Variants in PALLD observed in about 807,000 individuals in gnomAD.
PALLD encodes the protein palladin, cytoskeletal associated protein.
In PALLD, 61 loss-of-function variants were observed where a neutral mutation model predicts 123.5. The ratio of observed to expected loss-of-function variants is 0.49; its 90% CI spans 0.40 to 0.61. PALLD has a LOEUF of 0.61. Ranked by LOEUF, PALLD falls within the 20% of genes least tolerant of loss-of-function variation. The probability of loss-of-function intolerance (pLI) is 0.00; values close to 1 mark genes in which losing one functional copy is unlikely to be tolerated. For synonymous variants in PALLD, 465 were observed against 496.4 expected, an observed-to-expected ratio of 0.94 and a Z score of 0.84; for missense variants, 1,273 against 1,377.0, an observed-to-expected ratio of 0.92 and a Z score of 1.20.
chr4:168,899,807 C>T (rs2151274823), intron 14 of PALLD, among the ~76,000 whole-genome samples: 1 of 151,924 alleles, frequency 6.6e-6, no homozygotes, highest in Admixed American at 6.6e-5. Flanking sequence ...ATCTCAGCTA[C>T]TTGGGAGGCT....
At chr4:168,767,057 G>A (rs1733763475) in intron 10 of PALLD, among the ~76,000 whole-genome samples, 1 of 152,124 alleles carries the variant, frequency 6.6e-6, no homozygotes, top group African/African-American at 2.4e-5. Context: ...CTTCCAGACA[G>A]ACTCAACTCT....
At chr4:168,610,671 A>T (rs1773642444) in intron 2 of PALLD, among the ~76,000 whole-genome samples, 1 of 150,426 alleles carries the variant, frequency 6.6e-6, no homozygotes, top group South Asian at 2.1e-4. Flanking sequence ...GCCAACTTCC[A>T]TTCGGGGCCA....
chr4:168,724,823 C>T (rs944974166), intron 10 of PALLD, among the ~76,000 whole-genome samples: 2 of 152,176 alleles, frequency 1.3e-5, no homozygotes, highest in Non-Finnish European at 2.9e-5. Flanking sequence ...GCTCCTCTTG[C>T]CCAAGGCTGT....
intron 10 of PALLD, among the ~76,000 whole-genome samples, chr4:168,715,930 A>G (rs1280082281): frequency 6.6e-6 from 1 of 151,950 alleles, no homozygotes; most frequent in Non-Finnish European, 1.5e-5. Context: ...ACCCTGGGTG[A>G]CAGAGCGACA....
intron 2 of PALLD, among the ~76,000 whole-genome samples, chr4:168,627,592 C>T (rs11132385): frequency 0.31 from 47,794 of 152,024 alleles, 7,914 homozygotes; most frequent in East Asian, 0.45. Context: ...TAGGATAAGA[C>T]AGGCCTATCT....
chr4:168,536,805 C>A (rs1401353003), intron 2 of PALLD, among the ~76,000 whole-genome samples: 1 of 151,280 alleles, frequency 6.6e-6, no homozygotes. Context: ...CAAAGCCTAA[C>A]TACATCAGCA....
chr4:168,866,675 G>A (rs1750335760), intron 10 of PALLD, among the ~76,000 whole-genome samples: 1 of 152,202 alleles, frequency 6.6e-6, no homozygotes, highest in Admixed American at 6.5e-5. Flanking sequence ...ACTGAAGTAA[G>A]AAATTCTGGA....
At chr4:168,608,805 C>T (rs1261655744) in intron 2 of PALLD, among the ~76,000 whole-genome samples, 1 of 148,360 alleles carries the variant, frequency 6.7e-6, no homozygotes, top group Non-Finnish European at 1.5e-5. Flanking sequence ...ATCAGTGAAA[C>T]AGGCATAGGA....
At chr4:168,618,954 A>G (rs896861493) in intron 2 of PALLD, among the ~76,000 whole-genome samples, 3 of 152,188 alleles carry the variant, frequency 2.0e-5, no homozygotes, top group Non-Finnish European at 2.9e-5. Flanking sequence ...GATAATTTCT[A>G]TCACACTCAA....
At chr4:168,521,328 T>A (rs1235050644) in intron 2 of PALLD, among the ~76,000 whole-genome samples, 1 of 152,194 alleles carries the variant, frequency 6.6e-6, no homozygotes, top group Non-Finnish European at 1.5e-5. Flanking sequence ...CTTGGCTCCA[T>A]CACGCATCAG....
intron 10 of PALLD, among the ~76,000 whole-genome samples, chr4:168,724,857 A>T (rs1308065658): frequency 6.6e-6 from 1 of 152,174 alleles, no homozygotes; most frequent in Non-Finnish European, 1.5e-5. Flanking sequence ...ACTCACTGCA[A>T]GGGTTTTTTA....
chr4:168,730,472 A>C (rs1026786541), intron 10 of PALLD, among the ~76,000 whole-genome samples: 6 of 151,958 alleles, frequency 3.9e-5, no homozygotes, highest in African/African-American at 1.5e-4. Context: ...TCTATTTCTT[A>C]AAATTCCTTT....
At chr4:168,736,317 G>T (rs906124576) in intron 10 of PALLD, among the ~76,000 whole-genome samples, 1 of 152,138 alleles carries the variant, frequency 6.6e-6, no homozygotes, top group Non-Finnish European at 1.5e-5. Context: ...GTATGTATTG[G>T]TAGCTTAGGC....
At chr4:168,837,241 C>T (rs1745332010) in intron 10 of PALLD, among the ~76,000 whole-genome samples, 1 of 152,128 alleles carries the variant, frequency 6.6e-6, no homozygotes, top group African/African-American at 2.4e-5. Flanking sequence ...CCTATGGGAC[C>T]AATTTTGGAT....
chr4:168,796,720 A>G (rs1738563508), intron 10 of PALLD, among the ~76,000 whole-genome samples: 1 of 152,218 alleles, frequency 6.6e-6, no homozygotes, highest in African/African-American at 2.4e-5. Flanking sequence ...GTTTAAAAAT[A>G]TTCATATGCA....
intron 21 of PALLD, among the ~76,000 whole-genome samples, chr4:168,925,778 G>A (rs905108267): frequency 1.3e-5 from 2 of 152,150 alleles, no homozygotes; most frequent in Non-Finnish European, 2.9e-5. Flanking sequence ...ATCAAGAAAT[G>A]TGTGGCCTCA....
At chr4:168,580,145 T>A (rs1323338907) in intron 2 of PALLD, among the ~76,000 whole-genome samples, 3 of 152,020 alleles carry the variant, frequency 2.0e-5, no homozygotes, top group East Asian at 3.9e-4. Context: ...TGTGCCTGGC[T>A]TATTTCACTT....
intron 19 of PALLD, 92 bp downstream of exon 19, chr4:168,924,512 T>A: frequency 8.3e-7 from 1 of 1,204,988 alleles, no homozygotes; most frequent in Non-Finnish European, 1.2e-6. Context: ...AATCTATGTG[T>A]AAAAGCCACA....
chr4:168,552,737 A>G (rs1766865659), intron 2 of PALLD, among the ~76,000 whole-genome samples: 1 of 152,026 alleles, frequency 6.6e-6, no homozygotes, highest in Non-Finnish European at 1.5e-5. Context: ...GTGCAGTGGC[A>G]TGATCTCAGC....
Sources: gnomAD v4.1 joint callset for allele counts (sites outside exome capture counted in the v4.1 genomes callset) on GRCh38, gnomAD v4.1.1 for gene constraint, MANE v1.5 for transcripts, NCBI Gene and HGNC (gene_info 2026-07-23, HGNC 2026-07-21) for gene names.